NUCB1: variants seen among roughly 807,000 people sequenced by gnomAD.
NUCB1 encodes nucleobindin-1.
NUCB1 carries 47 observed loss-of-function variants against 61.2 expected under a neutral mutation model. The observed-to-expected ratio is 0.77, with a 90% confidence interval of 0.61 to 0.98. The LOEUF (loss-of-function observed/expected upper bound fraction) is 0.98. Ranked by LOEUF, NUCB1 falls within the 50% of genes least tolerant of loss-of-function variation. NUCB1 has a pLI of 0.00. For synonymous variants in NUCB1, 234 were observed against 243.1 expected, an observed-to-expected ratio of 0.96 and a Z score of 0.35; for missense variants, 583 against 605.3, an observed-to-expected ratio of 0.96 and a Z score of 0.39.
In NUCB1 at chr19:48,903,784, GGATA is replaced by G. The variant is rs1335371983; in HGVS notation, c.136-559_136-556del. On this transcript the variant is annotated intron_variant, in intron 2 of 12. Transcript: ENST00000405315. The stretch of plus-strand genomic sequence containing the variant: ...TGGGTGGATGAGTGGATGGATGGAT[GGATA>G]GATGGATGGATGGATGGATAGGTGG... Among the ~76,000 whole-genome samples, 184 of 148,784 alleles carry G rather than the reference GGATA, an allele frequency of 1.2e-3. 2 individuals carry two copies. The highest frequency in any genetic ancestry group is 2.1e-3 in the Non-Finnish European group (140 of 66,924).
chr19:48,921,108 C>T (rs1245918913), intron 10 of NUCB1, 46 bp from the exon 11 acceptor site: 4 of 1,551,406 alleles, frequency 2.6e-6, no homozygotes, highest in African/African-American at 1.4e-5. Context: ...ATGGGTGGGC[C>T]GAGGTTGGAC....
chr19:48,914,196 G>T (rs768165774), intron 7 of NUCB1, among the ~76,000 whole-genome samples: 1 of 151,904 alleles, frequency 6.6e-6, no homozygotes, highest in African/African-American at 2.4e-5. Flanking sequence ...GGCTGGTCTC[G>T]AACTCCCAAC....
At chr19:48,918,224 C>T (rs1254202705) in intron 7 of NUCB1, among the ~76,000 whole-genome samples, 2 of 152,032 alleles carry the variant, frequency 1.3e-5, no homozygotes, top group Non-Finnish European at 2.9e-5. Flanking sequence ...GGTTCCTGGC[C>T]TCCTCCTCAG....
intron 11 of NUCB1, 27 bp from the exon 12 acceptor site, chr19:48,921,800 G>T (rs1331646610): frequency 1.9e-6 from 3 of 1,605,100 alleles, no homozygotes; most frequent in Non-Finnish European, 2.6e-6. Flanking sequence ...ACACCCTCTT[G>T]TCTGTGTGAC....
intron 4 of NUCB1, 24 bp downstream of exon 4, chr19:48,905,909 G>GGGGGGT: frequency 2.0e-6 from 1 of 496,804 alleles, no homozygotes; most frequent in Admixed American, 2.3e-5. Flanking sequence ...GGGCGGGAGG[G>GGGGGGT]ACAGGCAGGG....
chr19:48,921,996 G>T, intron 12 of NUCB1, 64 bp downstream of exon 12: 3 of 1,293,614 alleles, frequency 2.3e-6, no homozygotes, highest in Non-Finnish European at 3.2e-6. Flanking sequence ...AGGTTGGAGG[G>T]GCTGGGCCTG....
intron 7 of NUCB1, among the ~76,000 whole-genome samples, chr19:48,917,592 G>GT (rs2037555414): frequency 6.6e-6 from 1 of 152,130 alleles, no homozygotes; most frequent in African/African-American, 2.4e-5. Context: ...CGCCTCCCAG[G>GT]TTCAAGCTAT....
Position 48,913,030 on chromosome 19 carries a change from A to G in NUCB1, c.500A>G (p.Gln167Arg). 6.2e-7 allele frequency: 1 copy of G among 1,611,944 alleles called. No individual in the cohort carries two copies. The change falls in exon 6 of 13, where the codon CAG becomes CGG. Residue 167 changes from glutamine to arginine, a missense_variant. Gln to Arg is a conservative substitution (Grantham distance 43, BLOSUM62 1). Transcript: ENST00000405315. ...LIQTATRDLA[Q>R]YDAAHHEEFK... ...CCCCAGGCCACCCGGGACCTTGCCCAGTACGACGCAGCCCATCATGAAGAG... is the reference window on the plus strand; with the variant it reads ...CCCCAGGCCACCCGGGACCTTGCCCGGTACGACGCAGCCCATCATGAAGAG...
intron 6 of NUCB1, 52 bp downstream of exon 6, chr19:48,913,248 C>G (rs773533286): frequency 1.3e-6 from 2 of 1,536,138 alleles, no homozygotes; most frequent in Non-Finnish European, 1.8e-6. Flanking sequence ...AGTTCAAACG[C>G]AAGACAAGAA....
chr19:48,904,058 CATGGATGAATGGGTGGATGCATGG>C (rs1198245265), intron 2 of NUCB1, among the ~76,000 whole-genome samples: 1 of 136,158 alleles, frequency 7.3e-6, no homozygotes, highest in Non-Finnish European at 1.6e-5. Context: ...TGGGTGGATG[CATGGATGAATGGGTGGATGCATGG>C]ATGGATGGAT....
chr19:48,919,791 C>T (rs1410569330), intron 10 of NUCB1, among the ~76,000 whole-genome samples: 3 of 84,046 alleles, frequency 3.6e-5, no homozygotes, highest in African/African-American at 1.4e-4. Flanking sequence ...TTTTCTGAAA[C>T]AGGGTCTTGC....
chr19:48,906,814 G>T (rs1485758368), intron 4 of NUCB1, among the ~76,000 whole-genome samples: 1 of 152,054 alleles, frequency 6.6e-6, no homozygotes, highest in Non-Finnish European at 1.5e-5. Flanking sequence ...GGCTTCTCTA[G>T]TTAACATTTG....
At chr19:48,908,724 GTGTGTGTGTGT>G (rs2037440590) in intron 4 of NUCB1, among the ~76,000 whole-genome samples, 6 of 92,794 alleles carry the variant, frequency 6.5e-5, no homozygotes, top group African/African-American at 2.3e-4. Context: ...ACCAAGGGGT[GTGTGTGTGTGT>G]GTGTGTGTGT....
At chr19:48,919,845 T>G (rs1188633667) in intron 10 of NUCB1, among the ~76,000 whole-genome samples, 1 of 146,366 alleles carries the variant, frequency 6.8e-6, no homozygotes, top group Non-Finnish European at 1.5e-5. Context: ...CTCGGCTCAC[T>G]GCAACCTCCG....
At chr19:48,916,045 G>A (rs151210380) in intron 7 of NUCB1, among the ~76,000 whole-genome samples, 372 of 152,166 alleles carry the variant, frequency 2.4e-3, no homozygotes, top group Non-Finnish European at 4.0e-3. Flanking sequence ...AACCGAAACC[G>A]TATCCATTAA....
intron 5 of NUCB1, among the ~76,000 whole-genome samples, chr19:48,912,118 G>T (rs1348321262): frequency 6.6e-6 from 1 of 150,898 alleles, no homozygotes; most frequent in Non-Finnish European, 1.5e-5. Context: ...TCAACCTCCT[G>T]GGCTCAAGCA....
At chr19:48,916,192 G>A (rs2037538377) in intron 7 of NUCB1, among the ~76,000 whole-genome samples, 1 of 152,010 alleles carries the variant, frequency 6.6e-6, no homozygotes, top group African/African-American at 2.4e-5. Flanking sequence ...GTGTGTGTGT[G>A]TGTGTGTTTG....
intron 4 of NUCB1, among the ~76,000 whole-genome samples, chr19:48,907,814 C>T (rs1448129683): frequency 2.0e-5 from 3 of 152,170 alleles, no homozygotes; most frequent in Non-Finnish European, 4.4e-5. Flanking sequence ...TGGACCTTGG[C>T]CACACCCGCC....
chr19:48,904,066 A>AATGGGTGGATGCATGG (rs1379797987), intron 2 of NUCB1, among the ~76,000 whole-genome samples: 94 of 144,160 alleles, frequency 6.5e-4, no homozygotes, highest in Admixed American at 6.1e-3. Context: ...TGCATGGATG[A>AATGGGTGGATGCATGG]ATGGGTGGAT....
Sources: gnomAD v4.1 joint callset for allele counts (sites outside exome capture counted in the v4.1 genomes callset) on GRCh38, gnomAD v4.1.1 for gene constraint, MANE v1.5 for transcripts, NCBI Gene and HGNC (gene_info 2026-07-23, HGNC 2026-07-21) for gene names.